The following VWA7 variants were observed in gnomAD, a reference collection of about 807,000 sequenced individuals.
The protein encoded by VWA7 is von Willebrand factor A domain containing 7.
VWA7 carries 66 observed loss-of-function variants against 83.1 expected under a neutral mutation model. The ratio of observed to expected loss-of-function variants is 0.79; its 90% CI spans 0.65 to 0.98. The LOEUF is 0.98. VWA7 is among the 50% of genes least tolerant of loss of function. The pLI is 0.00. For synonymous variants in VWA7, 424 were observed against 488.5 expected (o/e 0.87, Z 1.74); for missense variants, 1,080 against 1,160.2 (o/e 0.93, Z 1.00).
Position 31,773,479 on chromosome 6 carries a change from C to T in VWA7, c.722-42G>A, listed in dbSNP as rs898893017. ...GATCTGGAGAGTGGAGGTCAAAAACCCACTGCCTCCTAAGAAAATGAGGCC... is the reference window on the plus strand; with the variant it reads ...GATCTGGAGAGTGGAGGTCAAAAACTCACTGCCTCCTAAGAAAATGAGGCC... On this transcript the variant is annotated intron_variant, in intron 5 of 16. Coordinates refer to ENST00000375688, the MANE Select transcript of VWA7 (RefSeq NM_025258.3). The surrounding 1 kb of genome is among the most constrained non-coding windows in gnomAD (Gnocchi z 5.3). The T allele has an allele frequency of 2.1e-5, 32 of 1,494,536 alleles. No homozygotes were observed. The highest frequency in any genetic ancestry group is 1.9e-4 in the Middle Eastern group (1 of 5,202). 92.6% of individuals were successfully genotyped at this position (1,494,536 alleles called of 1,614,324 possible).
At chr6:31,774,462 C>T in intron 5 of VWA7, 54 bp downstream of exon 5, 1 of 1,537,566 alleles carries the variant, frequency 6.5e-7, no homozygotes, top group Non-Finnish European at 9.0e-7. Context: ...GACAGAGATC[C>T]TGTAAGGGAA....
In VWA7 at chr6:31,766,006, GACCTCCA is replaced by G; in HGVS notation, c.2369_2375del (p.Leu790ProfsTer11). On this transcript the variant is annotated frameshift_variant, in exon 16 of 17. Transcript: ENST00000375688. LOFTEE classifies it high-confidence loss of function. The surrounding 1 kb of genome is among the most constrained non-coding windows in gnomAD (Gnocchi z 4.9). ...CGGAATCCGGGGCCGCTGAATCTGG[GACCTCCA>G]GCCACAGGCGGCCCCAGGCCGACTC... is the stretch of plus-strand genomic sequence containing the variant. 6.2e-7 allele frequency: 1 copy of G among 1,612,874 alleles called. No individual in the cohort carries two copies. Among genetic ancestry groups the G allele is most frequent in the Non-Finnish European group, 8.5e-7 (1 of 1,180,026 alleles).
At chr6:31,774,438 A>G in intron 5 of VWA7, 78 bp downstream of exon 5, 2 of 1,382,378 alleles carry the variant, frequency 1.4e-6, no homozygotes, top group Non-Finnish European at 2.0e-6. Context: ...TAGCAAAGGC[A>G]TACGGGCCTA....
In VWA7 at chr6:31,769,497, C is replaced by T. The variant is rs1811960261; in HGVS notation, c.1317+178G>A. 6.6e-6 allele frequency among the ~76,000 whole-genome samples: 1 copy of T among 152,246 alleles called. No individual in the cohort carries two copies. Among genetic ancestry groups the T allele is most frequent in the African/African-American group, 2.4e-5 (1 of 41,466 alleles). The stretch of plus-strand genomic sequence containing the variant: ...TTCAGCGTTATTAAGGGTAGGGCCT[C>T]TTACGTATATCATTAAAGGTATCAG... On this transcript the variant is annotated intron_variant, in intron 9 of 16. Transcript: ENST00000375688. The surrounding 1 kb of genome is among the most constrained non-coding windows in gnomAD (Gnocchi z 4.5).
rs747108549 is a variant in VWA7 at position 31,776,019 on chromosome 6, G to T, written c.458C>A (p.Ala153Asp). 1.2e-6 allele frequency: 2 copies of T among 1,613,196 alleles called. No homozygotes were observed. Among genetic ancestry groups the T allele is most frequent in the Non-Finnish European group, 1.7e-6 (2 of 1,180,020 alleles). The change falls in exon 3 of 17, where the codon GCC becomes GAC. Residue 153 changes from alanine to aspartate, a missense_variant. Coordinates refer to ENST00000375688, the MANE Select transcript of VWA7 (RefSeq NM_025258.3). This position sits in a 1 kb window ranked among gnomAD's most constrained non-coding sequence, Gnocchi z 6.2. ...ALRETVVAAR[A>D]LDHTLARQRL... is the part of the protein sequence containing the mutation. ...CTGGCGAGCCAGGGTGTGGTCAAGG[G>T]CCCTGGCTGCCACCACGGTCTCCCG...
At chr6:31,770,723 C>T (rs1344337040) in intron 7 of VWA7, among the ~76,000 whole-genome samples, 1 of 139,320 alleles carries the variant, frequency 7.2e-6, no homozygotes, top group African/African-American at 2.5e-5. Flanking sequence ...GCTACATGTG[C>T]GTATATAAAA....
At chr6:31,767,954 A>C (rs935843275) in intron 10 of VWA7, among the ~76,000 whole-genome samples, 200 bp from the exon 11 acceptor site, 2 of 150,304 alleles carry the variant, frequency 1.3e-5, no homozygotes, top group African/African-American at 4.9e-5. Flanking sequence ...AACACAGTGA[A>C]ACTACATCTC....
rs141434721 is a variant in VWA7 at position 31,775,266 on chromosome 6, C to G, written c.610+67G>C. 7.2e-7 allele frequency: 1 copy of G among 1,381,026 alleles called. No homozygotes were observed. The highest frequency in any genetic ancestry group is 2.4e-5 in the East Asian group (1 of 41,702). The allele number at this position is 1,381,026 out of a possible 1,614,324, so 85.5% of individuals were successfully genotyped here. On this transcript the variant is annotated intron_variant, in intron 4 of 16. Coordinates refer to ENST00000375688, the MANE Select transcript of VWA7 (RefSeq NM_025258.3). The surrounding 1 kb of genome is among the most constrained non-coding windows in gnomAD (Gnocchi z 5.9). ...TACCCTCTGGGACTTCAGAATGTGA[C>G]ACAGTGGCTGGGTGGACTGAGGTGG... is the stretch of plus-strand genomic sequence containing the variant.
rs1249715805 is a variant in VWA7, at chr6:31,769,477, C to T, written c.1317+198G>A. Among the ~76,000 whole-genome samples the T allele has an allele frequency of 6.6e-6, 1 of 152,144 alleles. No individual in the cohort carries two copies. Among genetic ancestry groups the T allele is most frequent in the Admixed American group, 6.6e-5 (1 of 15,266 alleles). On this transcript the variant is annotated intron_variant, in intron 9 of 16. Coordinates refer to ENST00000375688, the MANE Select transcript of VWA7 (RefSeq NM_025258.3). The surrounding 1 kb of genome is among the most constrained non-coding windows in gnomAD (Gnocchi z 4.5). ...TAGGCAGGGTCAAATAAAAATTCAG[C>T]GTTATTAAGGGTAGGGCCTCTTACG...
rs1812717769 is a variant in VWA7, at chr6:31,776,711, C to T, written c.69G>A (p.Leu23=). 3 of 1,490,852 alleles carry T rather than the reference C, an allele frequency of 2.0e-6. No homozygotes were observed. Among genetic ancestry groups the T allele is most frequent in the Middle Eastern group, 1.8e-4 (1 of 5,566 alleles). The allele number at this position is 1,490,852 out of a possible 1,614,324, so 92.4% of individuals were successfully genotyped here. ...TGGGGAAGAAGGCAGATGTGGGGGG[C>T]AGCAACAGCTGCAGCAGAAGCAACG... ...PSALLLLQLL[L]PPTSAFFPNI... Residue 23 remains leucine (L), a synonymous_variant, in exon 2 of 17, where the codon CTG becomes CTA. Transcript: ENST00000375688. The surrounding 1 kb of genome is among the most constrained non-coding windows in gnomAD (Gnocchi z 6.2).
Position 31,773,567 on chromosome 6 carries a change from G to A in VWA7, c.722-130C>T. 1.0e-6 allele frequency: 1 copy of A among 974,420 alleles called. No homozygotes were observed. The highest frequency in any genetic ancestry group is 1.9e-5 in the South Asian group (1 of 53,640). The allele number at this position is 974,420 out of a possible 1,614,324, so 60.4% of individuals were successfully genotyped here. A position where few individuals can be genotyped will look rare whatever the true frequency, so the allele number is the denominator to read the frequency against. On this transcript the variant is annotated intron_variant, in intron 5 of 16. Coordinates refer to ENST00000375688, the MANE Select transcript of VWA7 (RefSeq NM_025258.3). The surrounding 1 kb of genome is among the most constrained non-coding windows in gnomAD (Gnocchi z 5.3). ...GGGTTCAGCAAGAAATGATGACGGG[G>A]TTGGCGCGGTGGCTCACGCCTGGAA... is the stretch of plus-strand genomic sequence containing the variant.
rs1812001647 is a variant in VWA7 at position 31,769,876 on chromosome 6, A to G, written c.1201-85T>C. 13 of 1,495,642 alleles carry G rather than the reference A, an allele frequency of 8.7e-6. No homozygotes were observed. The highest frequency in any genetic ancestry group is 1.2e-5 in the Non-Finnish European group (13 of 1,075,312). The allele number at this position is 1,495,642 out of a possible 1,614,324, so 92.6% of individuals were successfully genotyped here. ...CACGGAGGATGAAGCAGAAGGGAATATGGCCCGGGAACCCTACAGTGAAGC... is the reference window on the plus strand; with the variant it reads ...CACGGAGGATGAAGCAGAAGGGAATGTGGCCCGGGAACCCTACAGTGAAGC... On this transcript the variant is annotated intron_variant, in intron 8 of 16. Coordinates refer to ENST00000375688, the MANE Select transcript of VWA7 (RefSeq NM_025258.3). This position sits in a 1 kb window ranked among gnomAD's most constrained non-coding sequence, Gnocchi z 4.5.
chr6:31,768,928 A>C, intron 10 of VWA7, 90 bp downstream of exon 10: 1 of 1,344,652 alleles, frequency 7.4e-7, no homozygotes, highest in Non-Finnish European at 1.0e-6. Context: ...ACAACACAGC[A>C]GTGAGAGTGA....
At position 31,777,137 on chromosome 6, in the gene VWA7, G is replaced by A; in HGVS notation, c.-44C>T. 2.7e-6 allele frequency: 1 copy of A among 364,860 alleles called. No individual in the cohort carries two copies. Among genetic ancestry groups the A allele is most frequent in the Admixed American group, 4.3e-5 (1 of 23,504 alleles). 22.6% of individuals were successfully genotyped at this position (364,860 alleles called of 1,614,324 possible). On this transcript the variant is annotated 5_prime_UTR_variant, in exon 1 of 17. Transcript: ENST00000375688. This position sits in a 1 kb window ranked among gnomAD's most constrained non-coding sequence, Gnocchi z 5.8. ...GTTGCTGGGTCTCCTGGGCAGGGCT[G>A]GCCCGGGCTTGACGTCACAGGGCAC...
Position 31,767,488 on chromosome 6 carries a change from C to T in VWA7, c.1663G>A (p.Gly555Arg), listed in dbSNP as rs140707731. The T allele has an allele frequency of 7.8e-5, 126 of 1,611,342 alleles. No homozygotes were observed. The African/African-American group carries it at 8.1e-4, about 10-fold the overall frequency. Residue 555 changes from glycine (G) to arginine (R), a missense_variant, in exon 12 of 17, where the codon GGG (glycine) becomes AGG (arginine). Coordinates refer to ENST00000375688, the MANE Select transcript of VWA7 (RefSeq NM_025258.3). ...CGGCGAGTGTGACCTAGAGGACCCC[C>T]GCCTTCCTCCTGGCCCTGGGAGACC... The part of the protein sequence containing the change: ...AGVSQGQEEG[G>R]GPLGHTRRFG...
Position 31,769,570 on chromosome 6 carries a change from G to T in VWA7, c.1317+105C>A, listed in dbSNP as rs150209214. 2.8e-6 allele frequency: 3 copies of T among 1,054,608 alleles called. No homozygotes were observed. The highest frequency in any genetic ancestry group is 3.6e-5 in the Admixed American group (2 of 55,494). 65.3% of individuals were successfully genotyped at this position (1,054,608 alleles called of 1,614,324 possible). A position where few individuals can be genotyped will look rare whatever the true frequency, so the allele number is the denominator to read the frequency against. ...CTTCTCCCACCATATACCAAGGCTT[G>T]TTGGGCCACCATAGTGTGGTGCAAC... On this transcript the variant is annotated intron_variant, in intron 9 of 16. Coordinates refer to ENST00000375688, the MANE Select transcript of VWA7 (RefSeq NM_025258.3). This position sits in a 1 kb window ranked among gnomAD's most constrained non-coding sequence, Gnocchi z 4.5.
In VWA7 at chr6:31,765,713, C is replaced by G; in HGVS notation, c.2557G>C (p.Ala853Pro). ...GTCACCAATGTGAAGGGGGAAAAGG[C>G]AGGGGTGGCCGTGGTGAGGATCGGG... ...SDPILTTATP[A>P]FSPFTLVTQG... Residue 853 changes from alanine to proline, a missense_variant, in exon 17 of 17, where the codon GCC becomes CCC. Physicochemically the swap from Ala to Pro is conservative, Grantham distance 27. Coordinates refer to ENST00000375688, the MANE Select transcript of VWA7 (RefSeq NM_025258.3). 6.3e-7 allele frequency: 1 copy of G among 1,594,976 alleles called. No homozygotes were observed. The highest frequency in any genetic ancestry group is 8.5e-7 in the Non-Finnish European group (1 of 1,171,306).
At chr6:31,774,441 C>T (rs545767926) in intron 5 of VWA7, 75 bp downstream of exon 5, 30 of 1,386,082 alleles carry the variant, frequency 2.2e-5, no homozygotes, top group African/African-American at 1.4e-4. Context: ...CAAAGGCATA[C>T]GGGCCTACAG....
Position 31,765,976 on chromosome 6 carries a change from C to T in VWA7, c.2406G>A (p.Val802=). Residue 802 remains valine (V), a synonymous_variant, in exon 16 of 17, where the codon GTG becomes GTA. Coordinates refer to ENST00000375688, the MANE Select transcript of VWA7 (RefSeq NM_025258.3). ...VPDSAAPDSV[V]MVTVTAGGRE... The stretch of plus-strand genomic sequence containing the variant: ...GTCCCCCTGCAGTCACAGTCACCAT[C>T]ACCACGGAATCCGGGGCCGCTGAAT... The T allele has an allele frequency of 6.2e-7, 1 of 1,613,092 alleles. No individual in the cohort carries two copies. The highest frequency in any genetic ancestry group is 2.2e-5 in the East Asian group (1 of 44,880).
Sources: gnomAD v4.1 joint callset for allele counts (sites outside exome capture counted in the v4.1 genomes callset) on GRCh38, gnomAD v4.1.1 for gene constraint, Gnocchi (gnomAD v3.1) non-coding constraint, MANE v1.5 for transcripts, NCBI Gene and HGNC (gene_info 2026-07-23, HGNC 2026-07-21) for gene names.